CDH18: variants seen among roughly 807,000 people sequenced by gnomAD.
CDH18 encodes cadherin-18.
In CDH18, 31 loss-of-function variants were observed where a neutral mutation model predicts 67.9. The ratio of observed to expected loss-of-function variants is 0.46; its 90% CI spans 0.34 to 0.62. The LOEUF (loss-of-function observed/expected upper bound fraction) is 0.62, where lower values mean the gene tolerates loss of function less well. CDH18 is among the 20% of genes least tolerant of loss of function. The pLI, the probability that CDH18 is intolerant of heterozygous loss-of-function variation, is 0.01. For synonymous variants in CDH18, 362 were observed against 347.2 expected, an observed-to-expected ratio of 1.04 and a Z score of -0.48; for missense variants, 890 against 975.5, an observed-to-expected ratio of 0.91 and a Z score of 1.17.
In CDH18 at chr5:19,483,724, C is replaced by T. The variant is rs560737387; in HGVS notation, c.1631-172G>A. Among the ~76,000 whole-genome samples, 16 of 152,204 alleles carry T rather than the reference C, an allele frequency of 1.1e-4. No individual in the cohort carries two copies. The South Asian group carries it at 3.3e-3, about 32-fold the overall frequency. ...AGAGAAGCTAATATTGGTTCTCCAA[C>T]TGAGAAACCTATTTAGAAAAATTAA... On this transcript the variant is annotated intron_variant, in intron 11 of 12. Coordinates refer to ENST00000382275, the MANE Select transcript of CDH18 (RefSeq NM_004934.5).
chr5:20,531,610 G>A lies in CDH18; in HGVS notation c.-580+43852C>T, dbSNP rs956870860. Reference sequence around the variant, plus strand: ...TCAAGGGACATGGATCAAGCTGGAAGCCATTATCCTCAGCAACTAACACAG... The same window carrying A: ...TCAAGGGACATGGATCAAGCTGGAAACCATTATCCTCAGCAACTAACACAG... On this transcript the variant is annotated intron_variant, in intron 1 of 14. Transcript: ENST00000507958. Among the ~76,000 whole-genome samples the A allele has an allele frequency of 4.0e-5, 6 of 151,462 alleles. No homozygotes were observed. In the East Asian group the frequency reaches 9.7e-4, roughly 24 times the overall value.
chr5:20,564,701 C>G (rs1758406201), intron 1 of CDH18, among the ~76,000 whole-genome samples: 2 of 152,110 alleles, frequency 1.3e-5, no homozygotes, highest in South Asian at 4.1e-4. Flanking sequence ...TAATTAAATG[C>G]TGTATTACTT....
chr5:19,472,111 T>G lies in CDH18; in HGVS notation c.*1115A>C, dbSNP rs564360637. 1.3e-5 allele frequency among the ~76,000 whole-genome samples: 2 copies of G among 152,114 alleles called. No homozygotes were observed. The highest frequency in any genetic ancestry group is 6.6e-5 in the Admixed American group (1 of 15,256). On this transcript the variant is annotated 3_prime_UTR_variant, in exon 13 of 13. Coordinates refer to ENST00000382275, the MANE Select transcript of CDH18 (RefSeq NM_004934.5). ...CTGTTGATACCAAACTAATTATCAG[T>G]GAGATGGAAAAAATCTGAAACTGTG...
intron 2 of CDH18, among the ~76,000 whole-genome samples, chr5:20,035,378 T>G (rs900140064): frequency 6.6e-6 from 1 of 152,076 alleles, no homozygotes; most frequent in Non-Finnish European, 1.5e-5. Flanking sequence ...AGTGATTGCA[T>G]TATTCTATTC....
intron 7 of CDH18, among the ~76,000 whole-genome samples, chr5:19,581,254 T>A (rs1466407638): frequency 6.6e-6 from 1 of 151,968 alleles, no homozygotes; most frequent in Non-Finnish European, 1.5e-5. Flanking sequence ...CTTAATTTCA[T>A]CCTATAACTC....
At chr5:19,570,894 A>G (rs1741271466) in intron 8 of CDH18, among the ~76,000 whole-genome samples, 1 of 152,224 alleles carries the variant, frequency 6.6e-6, no homozygotes, top group African/African-American at 2.4e-5. Context: ...CTTTGTTCAC[A>G]TATTTGGAAT....
intron 2 of CDH18, among the ~76,000 whole-genome samples, chr5:20,027,301 T>C (rs1738996243): frequency 1.3e-5 from 2 of 152,332 alleles, no homozygotes; most frequent in Non-Finnish European, 1.5e-5. Context: ...TGATATATAA[T>C]ACAGCATAAA....
intron 2 of CDH18, among the ~76,000 whole-genome samples, chr5:20,020,367 G>T (rs753149668): frequency 6.6e-6 from 1 of 152,230 alleles, no homozygotes; most frequent in South Asian, 2.1e-4. Flanking sequence ...GGAGCTGAAC[G>T]TTAATAGCTA....
chr5:19,989,206 G>T (rs185998810), upstream of CDH18, among the ~76,000 whole-genome samples: 2 of 152,268 alleles, frequency 1.3e-5, no homozygotes, highest in African/African-American at 2.4e-5. Context: ...TATCTAAATT[G>T]AATGACTAGT....
intron 2 of CDH18, among the ~76,000 whole-genome samples, chr5:20,077,186 G>A (rs1234991656): frequency 6.6e-6 from 1 of 152,182 alleles, no homozygotes; most frequent in East Asian, 1.9e-4. Flanking sequence ...CTGAGAAGAT[G>A]AGATTTCAAA....
At chr5:19,543,826 T>C (rs190271232) in intron 9 of CDH18, 43 bp downstream of exon 9, 1 of 1,446,924 alleles carries the variant, frequency 6.9e-7, no homozygotes, top group East Asian at 2.3e-5. Flanking sequence ...TATGTCTTCT[T>C]GTACAAGTGA....
At chr5:19,781,166 A>C (rs2149782083) in intron 3 of CDH18, among the ~76,000 whole-genome samples, 1 of 152,268 alleles carries the variant, frequency 6.6e-6, no homozygotes, top group South Asian at 2.1e-4. Context: ...ATAGTCCAAA[A>C]GTAAATCATG....
intron 6 of CDH18, among the ~76,000 whole-genome samples, chr5:19,605,483 T>A (rs1476753791): frequency 6.6e-6 from 1 of 152,020 alleles, no homozygotes; most frequent in Non-Finnish European, 1.5e-5. Flanking sequence ...ATCCTTTCAA[T>A]TTAGCCACAT....
At chr5:20,491,931 T>C (rs1336111155) in intron 1 of CDH18, among the ~76,000 whole-genome samples, 1 of 152,172 alleles carries the variant, frequency 6.6e-6, no homozygotes, top group Admixed American at 6.6e-5. Context: ...TCATAATGTT[T>C]ACTATTCTAC....
At chr5:20,028,896 G>T (rs1310351041) in intron 2 of CDH18, among the ~76,000 whole-genome samples, 1 of 152,106 alleles carries the variant, frequency 6.6e-6, no homozygotes, top group South Asian at 2.1e-4. Context: ...CTGTATCTGC[G>T]ACTGAATCTT....
chr5:20,357,691 A>G (rs778233870), intron 1 of CDH18, among the ~76,000 whole-genome samples: 2 of 152,154 alleles, frequency 1.3e-5, no homozygotes, highest in Non-Finnish European at 2.9e-5. Flanking sequence ...AAAATGGGAG[A>G]CTTTATACAC....
At chr5:20,162,749 A>G (rs1735989669) in intron 2 of CDH18, among the ~76,000 whole-genome samples, 1 of 151,788 alleles carries the variant, frequency 6.6e-6, no homozygotes, top group Admixed American at 6.6e-5. Flanking sequence ...TCTCTATAAT[A>G]GACATATATA....
intron 2 of CDH18, among the ~76,000 whole-genome samples, chr5:20,092,565 A>C (rs1296965735): frequency 6.6e-6 from 1 of 152,206 alleles, no homozygotes; most frequent in Non-Finnish European, 1.5e-5. Flanking sequence ...GATTGAAAGT[A>C]AACTTTTCTC....
intron 1 of CDH18, among the ~76,000 whole-genome samples, chr5:20,482,098 A>C (rs1401968660): frequency 6.6e-6 from 1 of 151,940 alleles, no homozygotes; most frequent in Non-Finnish European, 1.5e-5. Flanking sequence ...TAGATGGAAA[A>C]GGAGACATTA....
Sources: allele counts gnomAD v4.1 joint callset (sites outside exome capture counted in the v4.1 genomes callset), GRCh38; gene constraint gnomAD v4.1.1; transcripts MANE v1.5; gene names NCBI Gene and HGNC (gene_info 2026-07-23, HGNC 2026-07-21).